The following SCRIB variants were observed in gnomAD, a reference collection of about 807,000 sequenced individuals.
SCRIB encodes the protein protein scribble homolog.
Under a neutral mutation model 170.0 loss-of-function variants are expected in SCRIB, and 72 were observed. That is an observed-to-expected ratio of 0.42 (90% confidence interval 0.35 to 0.52). The LOEUF is 0.52. Ranked by LOEUF, SCRIB falls within the 20% of genes least tolerant of loss-of-function variation. SCRIB has a pLI of 0.02. For missense variants in SCRIB, 2,475 were observed against 2,338.5 expected, an observed-to-expected ratio of 1.06 and a Z score of -1.20; for synonymous variants, 1,298 against 1,044.3, an observed-to-expected ratio of 1.24 and a Z score of -4.68.
At chr8:143,794,981 G>T in intron 27 of SCRIB, 57 bp downstream of exon 27, 1 of 1,534,782 alleles carries the variant, frequency 6.5e-7, no homozygotes, top group Non-Finnish European at 9.0e-7. Context: ...GTCCTGGGGT[G>T]GCCGATGAAC....
chr8:143,800,292 C>G (rs902906880), intron 24 of SCRIB, among the ~76,000 whole-genome samples: 1 of 152,064 alleles, frequency 6.6e-6, no homozygotes, highest in Non-Finnish European at 1.5e-5. Flanking sequence ...ACAATTCTTA[C>G]AGGTTATAAA....
intron 24 of SCRIB, among the ~76,000 whole-genome samples, chr8:143,800,861 G>A (rs1554634864): frequency 1.3e-5 from 2 of 152,354 alleles, no homozygotes; most frequent in Admixed American, 6.5e-5. Flanking sequence ...GCGACAGAGC[G>A]AGACCCTTTC....
chr8:143,805,062 C>T (rs529066178), intron 19 of SCRIB, 48 bp from the exon 20 acceptor site: 15 of 1,581,754 alleles, frequency 9.5e-6, no homozygotes, highest in East Asian at 2.3e-5. Context: ...GGCTGGAGTG[C>T]GGCTGTCAGC....
At chr8:143,809,468 A>G (rs2130115696) in intron 14 of SCRIB, 83 bp downstream of exon 14, 1 of 1,484,942 alleles carries the variant, frequency 6.7e-7, no homozygotes, top group East Asian at 2.3e-5. Context: ...CTGCACCAAA[A>G]CCGATCCCAG....
In SCRIB at chr8:143,808,596, G is replaced by A. The variant is rs372644293; in HGVS notation, c.2115+13C>T. The A allele has an allele frequency of 2.0e-6, 3 of 1,505,018 alleles. No homozygotes were observed. The highest frequency in any genetic ancestry group is 2.8e-5 in the African/African-American group (2 of 71,206). The allele number at this position is 1,505,018 out of a possible 1,614,324, so 93.2% of individuals were successfully genotyped here. A position where few individuals can be genotyped will look rare whatever the true frequency, so the allele number is the denominator to read the frequency against. On this transcript the variant is annotated intron_variant, in intron 15 of 36. Transcript: ENST00000356994. Reference sequence around the variant, plus strand: ...GGGAATCTGGGTCAGGCAGGGGTGAGGCTGACACCAACCTTGACAGAGGGC... The same window carrying A: ...GGGAATCTGGGTCAGGCAGGGGTGAAGCTGACACCAACCTTGACAGAGGGC...
chr8:143,793,509 T>G, intron 28 of SCRIB: 2 of 286,922 alleles, frequency 7.0e-6, no homozygotes, highest in Non-Finnish European at 6.5e-6. Context: ...CTGGGTCTCA[T>G]GGGGGCTGCC....
At chr8:143,809,528 G>A (rs754433083) in intron 14 of SCRIB, 23 bp downstream of exon 14, 9 of 1,597,830 alleles carry the variant, frequency 5.6e-6, no homozygotes, top group Admixed American at 5.0e-5. Flanking sequence ...CCAGCCTCCT[G>A]CCTCCTTCCT....
chr8:143,811,880 G>A (rs1299092841), intron 9 of SCRIB, among the ~76,000 whole-genome samples: 7 of 152,156 alleles, frequency 4.6e-5, no homozygotes, highest in African/African-American at 9.7e-5. Context: ...GTCCCGAACC[G>A]TGGCCTGGTG....
rs765048866 is a variant in SCRIB, at chr8:143,813,030, C to T, written c.642G>A (p.Pro214=). 17 of 1,600,708 alleles carry T rather than the reference C, an allele frequency of 1.1e-5. No individual in the cohort carries two copies. The highest frequency in any genetic ancestry group is 9.4e-5 in the African/African-American group (7 of 74,846). ...GGGGGCCAGCCCCACCCTGACTCAC[C>T]GGGGGCAGTGCTGACAGCTGGTTCC... The part of the protein sequence containing the change: ...LDRNQLSALP[P]ELGNLRRLVC... Residue 214 remains proline, a splice_region_variant and synonymous_variant, in exon 7 of 37, where the codon CCG becomes CCA. Coordinates refer to ENST00000356994, the MANE Select transcript of SCRIB (RefSeq NM_182706.5).
intron 6 of SCRIB, 100 bp downstream of exon 6, chr8:143,813,211 C>CCGAG: frequency 7.6e-6 from 12 of 1,589,036 alleles, no homozygotes; most frequent in Non-Finnish European, 1.0e-5. Context: ...GCCTGCCCTC[C>CCGAG]CGAGGTGCCC....
chr8:143,803,825 A>G lies in SCRIB; in HGVS notation c.3236T>C (p.Leu1079Pro), dbSNP rs782350755. The stretch of plus-strand genomic sequence containing the variant: ...CAGCGACAGCTCCAGGCAGGGCCGG[A>G]GCAGGGCACTGACTGCTTCTTGGTG... ...ATHQEAVSAL[L>P]RPCLELSLLV... Residue 1079 changes from leucine (L) to proline (P), a missense_variant, in exon 23 of 37, where the codon CTC becomes CCC. Physicochemically the swap from Leu to Pro is moderately conservative, Grantham distance 98. Around this residue, in one of 3 missense-constraint regions of SCRIB, gnomAD observed 1,966 missense variants for 1,742.9 expected, o/e 1.13. Coordinates refer to ENST00000356994, the MANE Select transcript of SCRIB (RefSeq NM_182706.5). The G allele has an allele frequency of 8.1e-6, 13 of 1,604,224 alleles. No homozygotes were observed. Among genetic ancestry groups the G allele is most frequent in the Non-Finnish European group, 1.0e-5 (12 of 1,178,816 alleles).
intron 27 of SCRIB, among the ~76,000 whole-genome samples, chr8:143,794,583 G>A (rs1400291702): frequency 6.6e-6 from 1 of 151,980 alleles, no homozygotes; most frequent in African/African-American, 2.4e-5. Flanking sequence ...CTCTGGGAGG[G>A]TTATTTGTAT....
rs782653455 is a variant in SCRIB, at chr8:143,792,599, C to T, written c.4214G>A (p.Arg1405Gln). ...KLQQKRAQML[R>Q]EAAEAGAEAR... ...TTCGGCCCCAGCCTCTGCCGCCTCC[C>T]GCAGCATCTGCGCTCTCTTCTGCTG... The change falls in exon 31 of 37, where the codon CGG becomes CAG. Residue 1405 changes from arginine to glutamine, a missense_variant. Arg to Gln is a conservative substitution (Grantham distance 43). Around this residue, in one of 3 missense-constraint regions of SCRIB, gnomAD observed 1,966 missense variants for 1,742.9 expected, o/e 1.13. Transcript: ENST00000356994. 11 of 1,590,732 alleles carry T rather than the reference C, an allele frequency of 6.9e-6. No individual in the cohort carries two copies. Among genetic ancestry groups the T allele is most frequent in the Admixed American group, 3.4e-5 (2 of 58,566 alleles).
At chr8:143,791,943 C>A (rs782335997) in intron 33 of SCRIB, 30 bp from the exon 34 acceptor site, 1 of 1,509,396 alleles carries the variant, frequency 6.6e-7, no homozygotes, top group African/African-American at 1.4e-5. Flanking sequence ...GCATTGGAAG[C>A]AGCCCATGCG....
At position 143,813,323 on chromosome 8, in the gene SCRIB, A is replaced by G; in HGVS notation, c.555T>C (p.Asp185=). 1 of 1,613,482 alleles carries G rather than the reference A, an allele frequency of 6.2e-7. No individual in the cohort carries two copies. The highest frequency in any genetic ancestry group is 8.5e-7 in the Non-Finnish European group (1 of 1,179,994). ...GGCCTCCACGCACCAGCACTTCCAG[A>G]TCGTTGCCTCCCAGATCCAGCTGTT... ...KLEQLDLGGN[D]LEVLPDTLGA... is the part of the protein sequence containing the mutation. Residue 185 remains aspartate (D), a synonymous_variant, in exon 6 of 37, where the codon GAT becomes GAC. Coordinates refer to ENST00000356994, the MANE Select transcript of SCRIB (RefSeq NM_182706.5).
chr8:143,791,626 G>A (rs782092419), intron 35 of SCRIB, 40 bp downstream of exon 35: 2 of 1,561,508 alleles, frequency 1.3e-6, no homozygotes, highest in Non-Finnish European at 1.8e-6. Context: ...GGCAGGCACG[G>A]ACAGGGTGGC....
In SCRIB at chr8:143,812,247, C is replaced by T. The variant is rs774122554; in HGVS notation, c.906+19G>A. ...CCCCCGACGGCCCCATCCTTTCTGC[C>T]TCCCAAGCCAGACCCTACCATCAGC... On this transcript the variant is annotated intron_variant, in intron 9 of 36. Transcript: ENST00000356994. 1.3e-6 allele frequency: 2 copies of T among 1,526,942 alleles called. No homozygotes were observed. Among genetic ancestry groups the T allele is most frequent in the South Asian group, 1.1e-5 (1 of 89,236 alleles). The allele number at this position is 1,526,942 out of a possible 1,614,324, so 94.6% of individuals were successfully genotyped here.
At chr8:143,813,397 G>A (rs751975153) in intron 5 of SCRIB, 23 bp from the exon 6 acceptor site, 6 of 1,613,350 alleles carry the variant, frequency 3.7e-6, no homozygotes, top group Middle Eastern at 1.6e-4. Flanking sequence ...CAGGGTGGAG[G>A]TGTGGCCACG....
chr8:143,807,125 C>T, intron 16 of SCRIB, 112 bp from the exon 17 acceptor site: 1 of 771,328 alleles, frequency 1.3e-6, no homozygotes, highest in Admixed American at 2.3e-5. Context: ...CTCTAGGCAG[C>T]TGAATGGGGC....
Sources: allele counts gnomAD v4.1 joint callset (sites outside exome capture counted in the v4.1 genomes callset), GRCh38; gene constraint gnomAD v4.1.1; regional missense constraint gnomAD v4.1.1; transcripts MANE v1.5; gene names NCBI Gene and HGNC (gene_info 2026-07-23, HGNC 2026-07-21).